SAP130: variants seen among roughly 807,000 people sequenced by gnomAD.
The protein encoded by SAP130 is Sin3A associated protein 130.
A neutral mutation model predicts 103.2 loss-of-function variants in SAP130; 16 were observed. That is an observed-to-expected ratio of 0.16 (90% CI 0.10 to 0.24). The LOEUF (loss-of-function observed/expected upper bound fraction) is 0.24, where lower values mean the gene tolerates loss of function less well. Among genes scored for constraint, SAP130 ranks in the 10% least tolerant of loss-of-function variants. SAP130 has a pLI of 1.00. For synonymous variants in SAP130, 477 were observed against 497.0 expected (o/e 0.96, Z 0.53); for missense variants, 990 against 1,359.7 (o/e 0.73, Z 4.28).
chr2:127,981,520 T>C (rs58208196), intron 14 of SAP130, among the ~76,000 whole-genome samples: 28 of 15,470 alleles, frequency 1.8e-3, no homozygotes, highest in African/African-American at 3.2e-3. Context: ...CTTGCACCCC[T>C]GACTCAGTTC....
At chr2:128,026,957 A>G in intron 1 of SAP130, 1 of 817,740 alleles carries the variant, frequency 1.2e-6, no homozygotes. Context: ...ACCCCACCCC[A>G]CCGCGAAGCC....
At chr2:127,965,247 A>T (rs978140423) in intron 15 of SAP130, among the ~76,000 whole-genome samples, 15 of 152,094 alleles carry the variant, frequency 9.9e-5, no homozygotes, top group African/African-American at 3.4e-4. Context: ...TGGTGAGCCG[A>T]GATTGCGCCA....
At chr2:127,957,681 A>C (rs1228266425) in intron 15 of SAP130, among the ~76,000 whole-genome samples, 2 of 152,106 alleles carry the variant, frequency 1.3e-5, no homozygotes, top group African/African-American at 2.4e-5. Flanking sequence ...TCTTAAAAAA[A>C]AAAAAAAGAT....
At chr2:128,013,226 A>G in intron 5 of SAP130, 72 bp from the exon 6 acceptor site, 2 of 1,404,290 alleles carry the variant, frequency 1.4e-6, no homozygotes, top group South Asian at 2.9e-5. Flanking sequence ...TATGTTTCCC[A>G]AAACTCAGAT....
chr2:127,966,492 C>G (rs1680668133), intron 15 of SAP130, among the ~76,000 whole-genome samples: 1 of 151,758 alleles, frequency 6.6e-6, no homozygotes, highest in Non-Finnish European at 1.5e-5. Flanking sequence ...CATCTGAGGT[C>G]AGGAGTTCGA....
Position 127,996,532 on chromosome 2 carries a change from T to A in SAP130, c.1214-41A>T. 7.1e-7 allele frequency: 1 copy of A among 1,408,140 alleles called. No homozygotes were observed. Among genetic ancestry groups the A allele is most frequent in the Non-Finnish European group, 9.4e-7 (1 of 1,066,612 alleles). 87.2% of individuals were successfully genotyped at this position (1,408,140 alleles called of 1,614,324 possible). A position where few individuals can be genotyped will look rare whatever the true frequency, so the allele number is the denominator to read the frequency against. On this transcript the variant is annotated intron_variant, in intron 10 of 20. Coordinates refer to ENST00000643581, the MANE Select transcript of SAP130 (RefSeq NM_001330301.2). The surrounding 1 kb of genome is among the most constrained non-coding windows in gnomAD (Gnocchi z 4.3). ...GCCAATTCCATGACCATTCTACACT[T>A]TTTTTTGGCATGCCAAAACATTCTT...
At chr2:128,016,247 C>T (rs939299591) in intron 4 of SAP130, 142 bp downstream of exon 4, 17 of 828,050 alleles carry the variant, frequency 2.1e-5, no homozygotes, top group Non-Finnish European at 2.6e-5. Flanking sequence ...CTCTCTCAAA[C>T]CTACTATCTT....
At chr2:127,949,251 A>G (rs1166306589) in intron 18 of SAP130, among the ~76,000 whole-genome samples, 3 of 152,306 alleles carry the variant, frequency 2.0e-5, no homozygotes, top group African/African-American at 7.2e-5. Flanking sequence ...CTTTGTACAT[A>G]TATTATATTT....
chr2:127,954,521 T>TA (rs1284285884), intron 16 of SAP130, among the ~76,000 whole-genome samples: 1 of 151,956 alleles, frequency 6.6e-6, no homozygotes, highest in African/African-American at 2.4e-5. Flanking sequence ...GATGAAGTGG[T>TA]AAAGGGAGAA....
intron 4 of SAP130, among the ~76,000 whole-genome samples, chr2:128,015,612 C>CA (rs960630375): frequency 2.2e-4 from 33 of 151,998 alleles, no homozygotes; most frequent in African/African-American, 7.2e-4. Flanking sequence ...CAAAATTTCA[C>CA]AAAAAAACCT....
chr2:128,017,131 G>C (rs1269835782), intron 3 of SAP130, among the ~76,000 whole-genome samples: 1 of 152,200 alleles, frequency 6.6e-6, no homozygotes, highest in African/African-American at 2.4e-5. Flanking sequence ...AGACCAGCCT[G>C]GCCGACATGG....
intron 3 of SAP130, among the ~76,000 whole-genome samples, chr2:128,017,012 G>A (rs1017456246): frequency 3.3e-5 from 5 of 152,208 alleles, no homozygotes; most frequent in African/African-American, 1.2e-4. Context: ...CATGGTACTG[G>A]GTTATCTGAA....
At chr2:128,026,012 C>G (rs961151482) in intron 2 of SAP130, among the ~76,000 whole-genome samples, 169 bp downstream of exon 2, 1 of 151,980 alleles carries the variant, frequency 6.6e-6, no homozygotes, top group African/African-American at 2.4e-5. Context: ...GTGGTTAAAA[C>G]AGGAAGGAAA....
chr2:127,952,527 C>T (rs1453788059), intron 16 of SAP130, among the ~76,000 whole-genome samples: 1 of 151,886 alleles, frequency 6.6e-6, no homozygotes, highest in African/African-American at 2.4e-5. Context: ...AGAACAAATG[C>T]CTCAAACGTG....
intron 11 of SAP130, among the ~76,000 whole-genome samples, chr2:127,994,550 C>A (rs1683041797): frequency 1.3e-5 from 2 of 152,140 alleles, no homozygotes; most frequent in African/African-American, 4.8e-5. Flanking sequence ...CGAGACTGCA[C>A]CACTGCACTA....
chr2:128,007,100 G>C (rs1043340604), intron 7 of SAP130, among the ~76,000 whole-genome samples: 1 of 152,132 alleles, frequency 6.6e-6, no homozygotes, highest in Non-Finnish European at 1.5e-5. Context: ...TTGACAAAAC[G>C]ATTAAAAATA....
rs746248892 is a variant in SAP130 at position 127,993,300 on chromosome 2, A to G, written c.1364T>C (p.Val455Ala). Residue 455 changes from valine (V) to alanine (A), a missense_variant, in exon 12 of 21, where the codon GTT becomes GCT. By Grantham distance (64) the Val-to-Ala change is moderately conservative (BLOSUM62 0). Around this residue, in one of 6 missense-constraint regions of SAP130, gnomAD observed 336 missense variants for 520.1 expected, o/e 0.65. Coordinates refer to ENST00000643581, the MANE Select transcript of SAP130 (RefSeq NM_001330301.2). Reference protein sequence around the residue: ...METRSDNRPSVPVQFQYFLPT... With the variant: ...METRSDNRPSAPVQFQYFLPT... ...CAAAAAATATTGGAACTGAACGGGA[A>G]CAGACGGTCTAGAGACAGAACAGAT... is the stretch of plus-strand genomic sequence containing the variant. The G allele has an allele frequency of 6.2e-7, 1 of 1,612,596 alleles. No individual in the cohort carries two copies. Among genetic ancestry groups the G allele is most frequent in the Admixed American group, 1.7e-5 (1 of 59,566 alleles).
chr2:128,022,092 C>T (rs1289821854), intron 2 of SAP130, among the ~76,000 whole-genome samples: 1 of 152,226 alleles, frequency 6.6e-6, no homozygotes, highest in African/African-American at 2.4e-5. Context: ...AGTTCATTCA[C>T]ACCCCTTTGC....
intron 7 of SAP130, among the ~76,000 whole-genome samples, chr2:128,009,986 CCT>C (rs1684267397): frequency 6.6e-6 from 1 of 152,130 alleles, no homozygotes; most frequent in South Asian, 2.1e-4. Flanking sequence ...CACCACCCAC[CCT>C]GTCACTCCCA....
Sources: gnomAD v4.1 joint callset for allele counts (sites outside exome capture counted in the v4.1 genomes callset) on GRCh38, gnomAD v4.1.1 for gene constraint, gnomAD v4.1.1 regional missense constraint, Gnocchi (gnomAD v3.1) non-coding constraint, MANE v1.5 for transcripts, NCBI Gene and HGNC (gene_info 2026-07-23, HGNC 2026-07-21) for gene names.